The following SNED1 variants were observed in gnomAD, a reference collection of about 807,000 sequenced individuals.
The protein encoded by SNED1 is sushi, nidogen and EGF like domains 1.
A neutral mutation model predicts 166.7 loss-of-function variants in SNED1; 81 were observed. That is an observed-to-expected ratio of 0.49 (90% CI 0.41 to 0.58). The LOEUF (loss-of-function observed/expected upper bound fraction) is 0.58. SNED1 is among the 20% of genes least tolerant of loss of function. The pLI, the probability that SNED1 is intolerant of heterozygous loss-of-function variation, is 0.00. For missense variants in SNED1, 1,604 were observed against 2,000.2 expected, an observed-to-expected ratio of 0.80 and a Z score of 3.78; for synonymous variants, 762 against 822.0, an observed-to-expected ratio of 0.93 and a Z score of 1.25.
intron 1 of SNED1, among the ~76,000 whole-genome samples, chr2:241,029,194 G>A (rs2124971896): frequency 6.6e-6 from 1 of 152,360 alleles, no homozygotes; most frequent in East Asian, 1.9e-4. Context: ...CCAGCACCCT[G>A]TCAGGTCAGA....
chr2:241,048,562 A>G lies in SNED1; in HGVS notation c.1400-100A>G, dbSNP rs1473207074. The G allele has an allele frequency of 2.1e-5, 31 of 1,496,654 alleles. 1 individual carries two copies. Among genetic ancestry groups the G allele is most frequent in the South Asian group, 2.5e-5 (2 of 80,954 alleles). 92.7% of individuals were successfully genotyped at this position (1,496,654 alleles called of 1,614,324 possible). A position where few individuals can be genotyped will look rare whatever the true frequency, so the allele number is the denominator to read the frequency against. ...AACGTGTGAGTGCGCGTCCACTGCA[A>G]TTTGTATGGGAAGTTGGCCAGGAGC... On this transcript the variant is annotated intron_variant, in intron 9 of 31. Coordinates refer to ENST00000310397, the MANE Select transcript of SNED1 (RefSeq NM_001080437.3).
intron 1 of SNED1, among the ~76,000 whole-genome samples, chr2:241,009,031 G>A (rs2060305724): frequency 6.6e-6 from 1 of 152,264 alleles, no homozygotes; most frequent in Admixed American, 6.5e-5. Context: ...AGGCTCACTG[G>A]GGGCAGGACA....
At chr2:241,004,271 G>A (rs940820301) in intron 1 of SNED1, among the ~76,000 whole-genome samples, 3 of 152,178 alleles carry the variant, frequency 2.0e-5, no homozygotes, top group Non-Finnish European at 2.9e-5. Context: ...CTTAATGACT[G>A]TGGCCTTGAT....
At chr2:241,088,726 AG>A (rs2063714589) in intron 31 of SNED1, 12 of 361,908 alleles carry the variant, frequency 3.3e-5, no homozygotes, top group Middle Eastern at 7.2e-4. Flanking sequence ...AGGAAGAGGC[AG>A]GGGGGTGGGC....
rs571962922 is a variant in SNED1, at chr2:241,032,135, A to G, written c.501+1564A>G. ...GAGGCCAAGTCAGAGGGATCACCTG[A>G]GGTCAGGAGTTTGAGATCAGCCTGG... is the stretch of plus-strand genomic sequence containing the variant. On this transcript the variant is annotated intron_variant, in intron 2 of 31. Transcript: ENST00000310397. 9.9e-5 allele frequency among the ~76,000 whole-genome samples: 15 copies of G among 152,268 alleles called. 1 individual carries two copies. The South Asian group carries it at 3.1e-3, about 32-fold the overall frequency.
Position 241,048,677 on chromosome 2 carries a change from G to T in SNED1, c.1415G>T (p.Cys472Phe). ...TTCGTGGCAGGAGTCCCCGATGACT[G>T]TGAGTGCCGCAACGGAGGCAGATGC... ...LDCRERVPDD[C>F]ECRNGGRCLG... The change falls in exon 10 of 32, where the codon TGT (cysteine) becomes TTT (phenylalanine). Residue 472 changes from cysteine (C) to phenylalanine (F), a missense_variant. Cys to Phe is a radical substitution (Grantham distance 205). Coordinates refer to ENST00000310397, the MANE Select transcript of SNED1 (RefSeq NM_001080437.3). The T allele has an allele frequency of 6.2e-7, 1 of 1,611,230 alleles. No homozygotes were observed.
Position 241,094,415 on chromosome 2 carries a change from C to T in SNED1, c.*2779C>T, listed in dbSNP as rs529432480. On this transcript the variant is annotated 3_prime_UTR_variant, in exon 32 of 32. Transcript: ENST00000310397. The surrounding 1 kb of genome is among the most constrained non-coding windows in gnomAD (Gnocchi z 4.3). Reference sequence around the variant, plus strand: ...ACAAAAGTCTTTTTCTTTGCAGTCACGCTGTAAGACGAGGCTGCTGGAGAA... The same window carrying T: ...ACAAAAGTCTTTTTCTTTGCAGTCATGCTGTAAGACGAGGCTGCTGGAGAA... 9.8e-5 allele frequency: 46 copies of T among 471,088 alleles called. No individual in the cohort carries two copies. The highest frequency in any genetic ancestry group is 1.9e-4 in the Admixed American group (8 of 42,554). The allele number at this position is 471,088 out of a possible 1,614,324, so 29.2% of individuals were successfully genotyped here. A position where few individuals can be genotyped will look rare whatever the true frequency, so the allele number is the denominator to read the frequency against.
chr2:241,001,255 A>G (rs2060070053), intron 1 of SNED1, among the ~76,000 whole-genome samples: 1 of 152,222 alleles, frequency 6.6e-6, no homozygotes, highest in Non-Finnish European at 1.5e-5. Flanking sequence ...GAATGAATGA[A>G]TGTGCCTCCC....
intron 1 of SNED1, among the ~76,000 whole-genome samples, chr2:241,024,641 C>CCTTATTTTAT (rs1559232053): frequency 1.6e-5 from 1 of 63,992 alleles, no homozygotes; most frequent in Admixed American, 1.6e-4. Flanking sequence ...TTTAATCATG[C>CCTTATTTTAT]CTTATTTTAT....
Position 241,051,669 on chromosome 2 carries a change from TG to T in SNED1, c.1736-74del. On this transcript the variant is annotated intron_variant, in intron 12 of 31. Coordinates refer to ENST00000310397, the MANE Select transcript of SNED1 (RefSeq NM_001080437.3). This position sits in a 1 kb window ranked among gnomAD's most constrained non-coding sequence, Gnocchi z 4.7. The stretch of plus-strand genomic sequence containing the variant: ...CACCAGCACCAGAGGACTGAGGAGA[TG>T]CCAGGAGGGTATAGTGGCTCTGTGG... The T allele has an allele frequency of 8.3e-7, 1 of 1,203,526 alleles. No individual in the cohort carries two copies. Among genetic ancestry groups the T allele is most frequent in the Non-Finnish European group, 1.1e-6 (1 of 885,700 alleles). The allele number at this position is 1,203,526 out of a possible 1,614,324, so 74.6% of individuals were successfully genotyped here. A position where few individuals can be genotyped will look rare whatever the true frequency, so the allele number is the denominator to read the frequency against.
Position 240,999,299 on chromosome 2 carries a change from C to G in SNED1, c.213+249C>G, listed in dbSNP as rs564059910. ...CGGGGGCGAGTGGAGCGCGGCGCCC[C>G]GGCCCCTGCCAGACCTGCCGAGCGC... On this transcript the variant is annotated intron_variant, in intron 1 of 31. Coordinates refer to ENST00000310397, the MANE Select transcript of SNED1 (RefSeq NM_001080437.3). This position sits in a 1 kb window ranked among gnomAD's most constrained non-coding sequence, Gnocchi z 5.8. Among the ~76,000 whole-genome samples, 1 of 151,228 alleles carries G rather than the reference C, an allele frequency of 6.6e-6. No homozygotes were observed.
chr2:241,066,783 G>A (rs915580283), intron 21 of SNED1, among the ~76,000 whole-genome samples: 1 of 152,152 alleles, frequency 6.6e-6, no homozygotes, highest in Non-Finnish European at 1.5e-5. Context: ...AAGCCTCCTG[G>A]CCACACCTGG....
chr2:241,026,594 A>C (rs959100245), intron 1 of SNED1, among the ~76,000 whole-genome samples: 9 of 152,196 alleles, frequency 5.9e-5, no homozygotes, highest in African/African-American at 2.2e-4. Flanking sequence ...TCCACTCTTC[A>C]ATCTATCCAG....
intron 17 of SNED1, 75 bp from the exon 18 acceptor site, chr2:241,063,512 T>G: frequency 1.1e-6 from 1 of 943,926 alleles, no homozygotes. Context: ...CCCCAGGAAA[T>G]GCACGGAATC....
rs1361761279 is a variant in SNED1 at position 241,030,554 on chromosome 2, G to A, written c.484G>A (p.Gly162Ser). The change falls in exon 2 of 32, where the codon GGC becomes AGC. Residue 162 changes from glycine (G) to serine (S), a missense_variant. By Grantham distance (56) the Gly-to-Ser change is moderately conservative. Coordinates refer to ENST00000310397, the MANE Select transcript of SNED1 (RefSeq NM_001080437.3). Reference sequence around the variant, plus strand: ...CTGGTACCGAGTGACCTTCTTTGGAGGCAGTTCCTCATCCCCTGTGAGTCC... The same window carrying A: ...CTGGTACCGAGTGACCTTCTTTGGAAGCAGTTCCTCATCCCCTGTGAGTCC... ...ATWYRVTFFG[G>S]SSSSPVNTFQ... 1 of 1,613,690 alleles carries A rather than the reference G, an allele frequency of 6.2e-7. No homozygotes were observed. Among genetic ancestry groups the A allele is most frequent in the Non-Finnish European group, 8.5e-7 (1 of 1,179,866 alleles).
chr2:241,051,814 C>T lies in SNED1; in HGVS notation c.1806C>T (p.Tyr602=). 6.4e-7 allele frequency: 1 copy of T among 1,562,680 alleles called. No individual in the cohort carries two copies. Among genetic ancestry groups the T allele is most frequent in the South Asian group, 1.2e-5 (1 of 84,512 alleles). ...CGTGCAAGGAGGCGGGCGGCGAGTA[C>T]CACTGCAGCTGCCCCTACCGCTTCA... The part of the protein sequence containing the change: ...GGTCKEAGGE[Y]HCSCPYRFTG... The change falls in exon 13 of 32, where the codon TAC becomes TAT. Residue 602 remains tyrosine, a synonymous_variant. Coordinates refer to ENST00000310397, the MANE Select transcript of SNED1 (RefSeq NM_001080437.3). The surrounding 1 kb of genome is among the most constrained non-coding windows in gnomAD (Gnocchi z 4.7).
At chr2:241,045,612 C>T (rs943087067) in intron 8 of SNED1, among the ~76,000 whole-genome samples, 1 of 150,394 alleles carries the variant, frequency 6.6e-6, no homozygotes, top group Non-Finnish European at 1.5e-5. Context: ...AAAAAAAAAC[C>T]TCAACTTCAA....
At chr2:241,040,733 A>C (rs535052096) in intron 8 of SNED1, among the ~76,000 whole-genome samples, 22 of 152,274 alleles carry the variant, frequency 1.4e-4, no homozygotes, top group South Asian at 2.1e-4. Flanking sequence ...AAAGTTCACA[A>C]GTCTCCTCTT....
chr2:241,021,421 C>G (rs902661350), intron 1 of SNED1, among the ~76,000 whole-genome samples: 3 of 152,230 alleles, frequency 2.0e-5, no homozygotes, highest in Admixed American at 6.5e-5. Context: ...AATAGAAACT[C>G]CATGCCCTTT....
Sources: allele counts gnomAD v4.1 joint callset (sites outside exome capture counted in the v4.1 genomes callset), GRCh38; gene constraint gnomAD v4.1.1; non-coding constraint Gnocchi (gnomAD v3.1); transcripts MANE v1.5; gene names NCBI Gene and HGNC (gene_info 2026-07-23, HGNC 2026-07-21).